Variants in DENND1A observed in about 807,000 individuals in gnomAD.
The protein encoded by DENND1A is DENN domain-containing protein 1A.
In DENND1A, 51 loss-of-function variants were observed where a neutral mutation model predicts 113.7. The ratio of observed to expected loss-of-function variants is 0.45; its 90% confidence interval spans 0.36 to 0.57. The LOEUF is 0.57. Among genes scored for constraint, DENND1A ranks in the 20% least tolerant of loss-of-function variants. DENND1A has a pLI of 0.00. For synonymous variants in DENND1A, 565 were observed against 570.8 expected, an observed-to-expected ratio of 0.99 and a Z score of 0.14; for missense variants, 1,258 against 1,395.9, an observed-to-expected ratio of 0.90 and a Z score of 1.57.
chr9:123,767,798 CAA>C (rs1315929455), intron 4 of DENND1A, among the ~76,000 whole-genome samples: 1 of 152,148 alleles, frequency 6.6e-6, no homozygotes, highest in Non-Finnish European at 1.5e-5. Flanking sequence ...AAGCAGTTAA[CAA>C]AGTCAATTAA....
intron 2 of DENND1A, among the ~76,000 whole-genome samples, chr9:123,851,248 C>G (rs1229425152): frequency 6.6e-6 from 1 of 152,192 alleles, no homozygotes; most frequent in African/African-American, 2.4e-5. Flanking sequence ...TTAGTTTGTA[C>G]TTTCTAGGCT....
In DENND1A at chr9:123,382,032, TGGGGTGGCTACATTC is replaced by T. The variant is rs1429419313; in HGVS notation, c.2598_2612del (p.Asn867_Pro871del). On this transcript the variant is annotated inframe_deletion, in exon 24 of 24. Transcript: ENST00000394215. Reference sequence around the variant, plus strand: ...GGGGGAAGCTGAATTGGGGGGTGAATGGGGTGGCTACATTCGGGGTGGCGGGGCGTGACGGGAGGG... The same window carrying T: ...GGGGGAAGCTGAATTGGGGGGTGAATGGGGTGGCGGGGCGTGACGGGAGGG... The T allele has an allele frequency of 2.9e-6, 2 of 701,158 alleles. No individual in the cohort carries two copies. Among genetic ancestry groups the T allele is most frequent in the East Asian group, 1.0e-4 (1 of 9,770 alleles). The allele number at this position is 701,158 out of a possible 1,614,324, so 43.4% of individuals were successfully genotyped here. A position where few individuals can be genotyped will look rare whatever the true frequency, so the allele number is the denominator to read the frequency against.
intron 1 of DENND1A, among the ~76,000 whole-genome samples, chr9:123,888,788 T>C (rs975128668): frequency 6.6e-6 from 1 of 152,216 alleles, no homozygotes; most frequent in Admixed American, 6.5e-5. Flanking sequence ...TTGGGACCAC[T>C]AGTGAAACCT....
intron 9 of DENND1A, 79 bp from the exon 10 acceptor site, chr9:123,630,555 T>C (rs745353192): frequency 6.2e-5 from 59 of 955,944 alleles, no homozygotes; most frequent in Non-Finnish European, 8.5e-5. Flanking sequence ...AATACAATTC[T>C]ATAATTCTTC....
intron 1 of DENND1A, among the ~76,000 whole-genome samples, chr9:123,903,125 G>A (rs932568424): frequency 2.6e-5 from 4 of 151,576 alleles, no homozygotes; most frequent in Non-Finnish European, 4.4e-5. Context: ...GAGGTCAGGA[G>A]ATCGAGACCA....
intron 5 of DENND1A, among the ~76,000 whole-genome samples, chr9:123,702,357 G>A (rs559844358): frequency 1.3e-5 from 2 of 152,174 alleles, no homozygotes; most frequent in African/African-American, 4.8e-5. Flanking sequence ...TCAAGAAGGG[G>A]TAGAGAAAGA....
At chr9:123,414,194 A>C (rs1189087124) in intron 19 of DENND1A, 1 of 1,070,062 alleles carries the variant, frequency 9.3e-7, no homozygotes, top group African/African-American at 1.6e-5. Context: ...TCCAAGCCTT[A>C]CTGTCCTCAT....
chr9:123,673,275 A>G (rs2063853559), intron 6 of DENND1A, among the ~76,000 whole-genome samples: 1 of 152,068 alleles, frequency 6.6e-6, no homozygotes, highest in African/African-American at 2.4e-5. Flanking sequence ...CAATGTATTC[A>G]TTTACTTATT....
chr9:123,607,486 GAGACACAC>G (rs2060208770), intron 11 of DENND1A, among the ~76,000 whole-genome samples: 1 of 86,378 alleles, frequency 1.2e-5, no homozygotes, highest in Non-Finnish European at 2.3e-5. Flanking sequence ...CACAGAGAGA[GAGACACAC>G]ACACACACAC....
chr9:123,498,234 TAC>T (rs1192326180), intron 13 of DENND1A, among the ~76,000 whole-genome samples: 2 of 152,250 alleles, frequency 1.3e-5, no homozygotes. Flanking sequence ...GTGCACTTGG[TAC>T]AGACTAGCTT....
At chr9:123,813,108 G>T (rs2768815) in intron 2 of DENND1A, among the ~76,000 whole-genome samples, 38,801 of 151,860 alleles carry the variant, frequency 0.26, 9,038 homozygotes, top group African/African-American at 0.62. Context: ...CACCACCACA[G>T]GCACCTGTGG....
At chr9:123,583,144 A>T in intron 12 of DENND1A, 25 bp downstream of exon 12, 1 of 1,541,256 alleles carries the variant, frequency 6.5e-7, no homozygotes, top group East Asian at 2.3e-5. Context: ...CACAGAAGTG[A>T]GATCCTCGCA....
chr9:123,711,513 G>GTATATATATATATA (rs56814463), intron 5 of DENND1A, among the ~76,000 whole-genome samples: 353 of 120,796 alleles, frequency 2.9e-3, no homozygotes, highest in Non-Finnish European at 4.7e-3. Flanking sequence ...ATGTATATAT[G>GTATATATATATATA]TATATATATA....
chr9:123,713,260 G>A (rs2066750793), intron 5 of DENND1A, among the ~76,000 whole-genome samples: 1 of 152,148 alleles, frequency 6.6e-6, no homozygotes. Context: ...CAAATCAAAC[G>A]GTACAGCATG....
intron 5 of DENND1A, among the ~76,000 whole-genome samples, chr9:123,742,606 T>C (rs144224829): frequency 6.6e-6 from 1 of 152,266 alleles, no homozygotes; most frequent in East Asian, 1.9e-4. Context: ...TCAAAGGGCT[T>C]GAGTGGGGAA....
chr9:123,872,229 G>A (rs1430931408), intron 2 of DENND1A, among the ~76,000 whole-genome samples: 1 of 152,080 alleles, frequency 6.6e-6, no homozygotes, highest in African/African-American at 2.4e-5. Flanking sequence ...TCCTCAAAAT[G>A]ATATGACTTT....
chr9:123,561,098 G>A (rs1325676949), intron 12 of DENND1A, among the ~76,000 whole-genome samples: 1 of 152,202 alleles, frequency 6.6e-6, no homozygotes, highest in Non-Finnish European at 1.5e-5. Flanking sequence ...TTGAAATGGT[G>A]CAAGCCACTG....
chr9:123,840,732 T>C (rs535055252), intron 2 of DENND1A, among the ~76,000 whole-genome samples: 2 of 152,186 alleles, frequency 1.3e-5, no homozygotes, highest in Non-Finnish European at 2.9e-5. Flanking sequence ...ATATTAACCC[T>C]AACCTTCTTT....
At chr9:123,768,068 T>C (rs1217029141) in intron 4 of DENND1A, among the ~76,000 whole-genome samples, 1 of 152,142 alleles carries the variant, frequency 6.6e-6, no homozygotes, top group Non-Finnish European at 1.5e-5. Flanking sequence ...CTTGCATTTT[T>C]AGGAGGAATA....
Sources: gnomAD v4.1 joint callset for allele counts (sites outside exome capture counted in the v4.1 genomes callset) on GRCh38, gnomAD v4.1.1 for gene constraint, MANE v1.5 for transcripts, NCBI Gene and HGNC (gene_info 2026-07-23, HGNC 2026-07-21) for gene names.